Variants in FAM171A1 observed in about 807,000 individuals in gnomAD.
The protein encoded by FAM171A1 is protein FAM171A1.
FAM171A1 carries 23 observed loss-of-function variants against 74.9 expected under a neutral mutation model. The ratio of observed to expected loss-of-function variants is 0.31; its 90% CI spans 0.22 to 0.44. FAM171A1 has a LOEUF of 0.44. Ranked by LOEUF, FAM171A1 falls within the 20% of genes least tolerant of loss-of-function variation. The pLI, the probability that FAM171A1 is intolerant of heterozygous loss-of-function variation, is 1.00. For missense variants in FAM171A1, 1,162 were observed against 1,159.2 expected (o/e 1.00, Z -0.03); for synonymous variants, 527 against 505.7 (o/e 1.04, Z -0.57).
chr10:15,338,576 G>A (rs1437630234), intron 1 of FAM171A1, among the ~76,000 whole-genome samples: 5 of 152,070 alleles, frequency 3.3e-5, no homozygotes, highest in African/African-American at 1.2e-4. Context: ...ACATTTGTGA[G>A]GAATATAGTC....
chr10:15,341,982 G>C (rs1316113888), intron 1 of FAM171A1, among the ~76,000 whole-genome samples: 1 of 152,194 alleles, frequency 6.6e-6, no homozygotes, highest in Non-Finnish European at 1.5e-5. Context: ...CAGAATCCCA[G>C]AGTTTATTAC....
chr10:15,340,984 G>A (rs906668449), intron 1 of FAM171A1, among the ~76,000 whole-genome samples: 3 of 152,204 alleles, frequency 2.0e-5, no homozygotes, highest in African/African-American at 7.2e-5. Context: ...GCCCCTCCCA[G>A]AATAGTCTAA....
chr10:15,306,132 G>A (rs1835291552), intron 1 of FAM171A1, among the ~76,000 whole-genome samples: 1 of 152,184 alleles, frequency 6.6e-6, no homozygotes, highest in African/African-American at 2.4e-5. Flanking sequence ...GTTTCTTGCT[G>A]GGGCAAGCCC....
chr10:15,372,899 A>G (rs887316902), upstream of FAM171A1, among the ~76,000 whole-genome samples: 13 of 151,730 alleles, frequency 8.6e-5, no homozygotes, highest in African/African-American at 2.4e-4. Flanking sequence ...TTCTCTTCCA[A>G]CTAGCACTGC....
chr10:15,347,210 C>A (rs12783193), intron 1 of FAM171A1, among the ~76,000 whole-genome samples: 1 of 151,940 alleles, frequency 6.6e-6, no homozygotes, highest in Non-Finnish European at 1.5e-5. Context: ...AAAGATCACA[C>A]GAACAGAACT....
intron 4 of FAM171A1, among the ~76,000 whole-genome samples, chr10:15,254,229 C>T (rs547867794): frequency 6.6e-6 from 1 of 152,256 alleles, no homozygotes; most frequent in East Asian, 1.9e-4. Flanking sequence ...CAAGGTATGC[C>T]TGTCTCTGAG....
Position 15,214,554 on chromosome 10 carries a change from G to A in FAM171A1, c.1034C>T (p.Pro345Leu), listed in dbSNP as rs781122848. Residue 345 changes from proline to leucine, a missense_variant, in exon 8 of 8, where the codon CCT becomes CTT. By Grantham distance (98) the Pro-to-Leu change is moderately conservative. Transcript: ENST00000378116. The part of the protein sequence containing the change: ...PRQHHRKLQL[P>L]AGLESSKRDQ... Reference sequence around the variant, plus strand: ...TCTTTTGGAACTCTCCAGTCCTGCAGGGAGCTGCAGTTTTCTGTGGTGCTG... The same window carrying A: ...TCTTTTGGAACTCTCCAGTCCTGCAAGGAGCTGCAGTTTTCTGTGGTGCTG... The A allele has an allele frequency of 5.0e-5, 80 of 1,612,932 alleles. No individual in the cohort carries two copies. Among genetic ancestry groups the A allele is most frequent in the Non-Finnish European group, 5.2e-5 (61 of 1,179,572 alleles).
intron 1 of FAM171A1, among the ~76,000 whole-genome samples, chr10:15,316,688 A>G (rs1027971544): frequency 2.6e-5 from 4 of 152,174 alleles, no homozygotes; most frequent in Admixed American, 2.6e-4. Flanking sequence ...TTCTTACCTG[A>G]CTGGCAGAAA....
chr10:15,284,704 C>A (rs777115528), intron 1 of FAM171A1, among the ~76,000 whole-genome samples: 1 of 152,148 alleles, frequency 6.6e-6, no homozygotes. Context: ...TGTGCCCCAC[C>A]GTGCCCAGAC....
intron 1 of FAM171A1, among the ~76,000 whole-genome samples, chr10:15,325,652 C>G (rs75661211): frequency 0.012 from 1,863 of 152,240 alleles, 38 homozygotes; most frequent in African/African-American, 0.042. Context: ...CCATGGGCCC[C>G]ACGGAGTAGA....
At chr10:15,333,590 A>T (rs2131862251) in intron 1 of FAM171A1, among the ~76,000 whole-genome samples, 1 of 152,220 alleles carries the variant, frequency 6.6e-6, no homozygotes, top group Admixed American at 6.5e-5. Context: ...GCACTTTGGG[A>T]GGCTGAGTCG....
chr10:15,314,796 C>A (rs1242644572), intron 1 of FAM171A1, among the ~76,000 whole-genome samples: 1 of 152,216 alleles, frequency 6.6e-6, no homozygotes, highest in African/African-American at 2.4e-5. Flanking sequence ...TGGGGAGTAT[C>A]CGCTGCCACA....
chr10:15,226,190 A>C (rs1834104428), intron 5 of FAM171A1, among the ~76,000 whole-genome samples: 2 of 152,090 alleles, frequency 1.3e-5, no homozygotes, highest in African/African-American at 4.8e-5. Context: ...CAGAAGCCGC[A>C]CCACTGCAGC....
chr10:15,233,903 C>CAAAAA (rs915508767), intron 5 of FAM171A1, among the ~76,000 whole-genome samples: 2 of 129,166 alleles, frequency 1.5e-5, no homozygotes, highest in Admixed American at 7.8e-5. Flanking sequence ...TCCGTCTCAC[C>CAAAAA]AAAAAAAAAA....
chr10:15,319,584 A>T (rs1835462687), intron 1 of FAM171A1, among the ~76,000 whole-genome samples: 1 of 152,152 alleles, frequency 6.6e-6, no homozygotes. Flanking sequence ...AGGCATGCAC[A>T]ACCACAGCCA....
In FAM171A1 at chr10:15,315,458, A is replaced by G. The variant is rs74737613; in HGVS notation, c.98-31353T>C. Among the ~76,000 whole-genome samples the G allele has an allele frequency of 4.1e-3, 617 of 152,296 alleles. 4 individuals carry two copies. The highest frequency in any genetic ancestry group is 0.014 in the African/African-American group (593 of 41,568). ...TGTGGGCTTTGTTATCATCACTATT[A>G]TTATGAGAAATGGCTAAGCTTCCTT... is the stretch of plus-strand genomic sequence containing the variant. On this transcript the variant is annotated intron_variant, in intron 1 of 7. Coordinates refer to ENST00000378116, the MANE Select transcript of FAM171A1 (RefSeq NM_001010924.2).
rs768967025 is a variant in FAM171A1 at position 15,275,958 on chromosome 10, A to T, written c.326-11T>A. 3 of 1,595,430 alleles carry T rather than the reference A, an allele frequency of 1.9e-6. No homozygotes were observed. The East Asian group carries it at 6.7e-5, about 36-fold the overall frequency. On this transcript the variant is annotated splice_polypyrimidine_tract_variant and intron_variant, in intron 2 of 7. Coordinates refer to ENST00000378116, the MANE Select transcript of FAM171A1 (RefSeq NM_001010924.2). ...TCAGAGAGGAAAATACTGCAGGAAA[A>T]AGAAATGGATAGAAGGGGATTTTAA...
chr10:15,311,504 A>G (rs932947377), intron 1 of FAM171A1, among the ~76,000 whole-genome samples: 4 of 152,138 alleles, frequency 2.6e-5, no homozygotes, highest in African/African-American at 9.7e-5. Flanking sequence ...CTTCAAACAG[A>G]TTGCATTGCT....
chr10:15,306,859 A>C (rs562140928), intron 1 of FAM171A1, among the ~76,000 whole-genome samples: 8 of 152,146 alleles, frequency 5.3e-5, no homozygotes, highest in Non-Finnish European at 1.2e-4. Context: ...CCACCTTCTC[A>C]CCGGAACTAA....
Sources: gnomAD v4.1 joint callset for allele counts (sites outside exome capture counted in the v4.1 genomes callset) on GRCh38, gnomAD v4.1.1 for gene constraint, MANE v1.5 for transcripts, NCBI Gene and HGNC (gene_info 2026-07-23, HGNC 2026-07-21) for gene names.